Variants in F8 observed in about 807,000 individuals in gnomAD.
F8 encodes coagulation factor VIII, also known as antihemophilic factor.
A neutral mutation model predicts 140.6 loss-of-function variants in F8; 12 were observed. The observed-to-expected ratio is 0.09, with a 90% confidence interval of 0.05 to 0.14. The LOEUF (loss-of-function observed/expected upper bound fraction) is 0.14, where lower values mean the gene tolerates loss of function less well. Among genes scored for constraint, F8 ranks in the 10% least tolerant of loss-of-function variants. The pLI is 1.00. For synonymous variants in F8, 585 were observed against 614.6 expected, an observed-to-expected ratio of 0.95 and a Z score of 0.71; for missense variants, 1,354 against 1,720.7, an observed-to-expected ratio of 0.79 and a Z score of 3.77.
chrX:154,848,523 G>T (rs1557271936), intron 25 of F8, among the ~76,000 whole-genome samples: 1 of 112,532 alleles, frequency 8.9e-6, no homozygotes, highest in Non-Finnish European at 1.9e-5. Flanking sequence ...CCACCTTGCA[G>T]TTTGATCTCA....
intron 14 of F8, among the ~76,000 whole-genome samples, chrX:154,915,202 C>A (rs188624505): frequency 4.7e-4 from 52 of 111,503 alleles, no homozygotes; most frequent in African/African-American, 1.7e-3. Flanking sequence ...GGAAAACTGC[C>A]CCCATGACCC....
intron 22 of F8, among the ~76,000 whole-genome samples, chrX:154,891,648 T>C (rs2072944914): frequency 8.9e-6 from 1 of 112,809 alleles, no homozygotes; most frequent in Admixed American, 9.3e-5. Flanking sequence ...AACTTAATAC[T>C]CTTGTTCCTA....
chrX:154,899,563 G>A (rs781927625), intron 21 of F8, among the ~76,000 whole-genome samples: 15 of 112,126 alleles, frequency 1.3e-4, no homozygotes, highest in Middle Eastern at 4.6e-3. Flanking sequence ...TTAAGGACAC[G>A]TGGGCAGTTG....
In F8 at chrX:154,904,408, G is replaced by T. The variant is rs782721473; in HGVS notation, c.5703C>A (p.Ile1901=). 480 of 1,209,821 alleles carry T rather than the reference G, an allele frequency of 4.0e-4. 5 individuals carry two copies. In the South Asian group the frequency reaches 7.9e-3, roughly 20 times the overall value. ...TVQEFALFFT[I]FDETKSWYFT... is the part of the protein sequence containing the mutation. Reference sequence around the variant, plus strand: ...AGTACCAGCTTTTGGTCTCATCAAAGATGGTGAAAAACAGAGCAAATTCCT... The same window carrying T: ...AGTACCAGCTTTTGGTCTCATCAAATATGGTGAAAAACAGAGCAAATTCCT... Residue 1901 remains isoleucine (I), a synonymous_variant, in exon 17 of 26, where the codon ATC becomes ATA. Coordinates refer to ENST00000360256, the MANE Select transcript of F8 (RefSeq NM_000132.4).
intron 1 of F8, among the ~76,000 whole-genome samples, chrX:155,015,768 T>C (rs1013607626): frequency 2.7e-5 from 3 of 112,061 alleles, no homozygotes; most frequent in Non-Finnish European, 5.6e-5. Flanking sequence ...TTCAGCACCA[T>C]GCAACATACT....
At chrX:155,008,506 C>T (rs2073688690) in intron 1 of F8, among the ~76,000 whole-genome samples, 1 of 111,818 alleles carries the variant, frequency 8.9e-6, no homozygotes, top group South Asian at 3.7e-4. Flanking sequence ...AGGGCGCGGG[C>T]AGGAGCGTGC....
intron 12 of F8, among the ~76,000 whole-genome samples, chrX:154,950,194 T>C (rs1411845643): frequency 1.1e-4 from 12 of 112,056 alleles, no homozygotes; most frequent in Non-Finnish European, 2.3e-4. Context: ...ATACTAGTGT[T>C]AGGGCTTCAG....
chrX:154,890,932 G>A (rs2148581798), intron 22 of F8, among the ~76,000 whole-genome samples: 1 of 112,677 alleles, frequency 8.9e-6, no homozygotes, highest in African/African-American at 3.2e-5. Context: ...CTGGTAAGTA[G>A]AGCTACTGAA....
At chrX:154,954,638 C>T (rs782066062) in intron 11 of F8, among the ~76,000 whole-genome samples, 6 of 111,827 alleles carry the variant, frequency 5.4e-5, no homozygotes, top group East Asian at 2.8e-4. Context: ...ATGAATTAGT[C>T]GCTTGCTAAT....
chrX:154,987,349 C>T (rs1557284326), intron 4 of F8, 44 bp from the exon 5 acceptor site: 5 of 1,104,486 alleles, frequency 4.5e-6, no homozygotes, highest in Non-Finnish European at 3.7e-6. Flanking sequence ...TAAAAAATCT[C>T]ATTGTAGGAA....
chrX:154,873,891 T>C (rs2072793321), intron 22 of F8, among the ~76,000 whole-genome samples: 1 of 111,924 alleles, frequency 8.9e-6, no homozygotes, highest in Non-Finnish European at 1.9e-5. Flanking sequence ...ATAAAACTCC[T>C]AGAAGAAAAC....
At chrX:154,909,857 G>C (rs2073056255) in intron 14 of F8, among the ~76,000 whole-genome samples, 1 of 112,489 alleles carries the variant, frequency 8.9e-6, no homozygotes, top group South Asian at 3.6e-4. Context: ...TTTGTGTTGG[G>C]AACATTCCCA....
At position 154,839,609 on chromosome X, in the gene F8, G is replaced by A. The variant is rs186596470; in HGVS notation, c.6901-1857C>T. 4.0e-3 allele frequency among the ~76,000 whole-genome samples: 444 copies of A among 110,822 alleles called. 1 individual carries two copies. The highest frequency in any genetic ancestry group is 0.014 in the African/African-American group (413 of 30,517). ...GATCTCCTGACCTCGTGATCCACCCGCCTCGGCCTCCCAAAGTGCTGAGCT... is the reference window on the plus strand; with the variant it reads ...GATCTCCTGACCTCGTGATCCACCCACCTCGGCCTCCCAAAGTGCTGAGCT... On this transcript the variant is annotated intron_variant, in intron 25 of 25. Transcript: ENST00000360256.
At position 154,981,356 on chromosome X, in the gene F8, C is replaced by G. The variant is rs782452298; in HGVS notation, c.787+3331G>C. Among the ~76,000 whole-genome samples the G allele has an allele frequency of 5.5e-5, 6 of 109,265 alleles. No homozygotes were observed. In the South Asian group the frequency reaches 2.4e-3, roughly 43 times the overall value. The allele number at this position is 109,265 out of a possible 115,157, so 94.9% of individuals were successfully genotyped here. A position where few individuals can be genotyped will look rare whatever the true frequency, so the allele number is the denominator to read the frequency against. ...TGTGAGGAGATTATTGCTGAAGAGTCCTATTCCACCACTTTGCTCCACTCA... is the reference window on the plus strand; with the variant it reads ...TGTGAGGAGATTATTGCTGAAGAGTGCTATTCCACCACTTTGCTCCACTCA... On this transcript the variant is annotated intron_variant, in intron 6 of 25. Coordinates refer to ENST00000360256, the MANE Select transcript of F8 (RefSeq NM_000132.4).
intron 1 of F8, among the ~76,000 whole-genome samples, chrX:155,011,008 T>C (rs1171226434): frequency 1.8e-5 from 2 of 112,042 alleles, no homozygotes; most frequent in Non-Finnish European, 3.8e-5. Flanking sequence ...ATTTCTTAGA[T>C]ATGACAACAA....
chrX:154,901,283 A>G, intron 20 of F8, 88 bp downstream of exon 20: 1 of 647,821 alleles, frequency 1.5e-6, no homozygotes, highest in Non-Finnish European at 2.6e-6. Flanking sequence ...AAGCATGGAG[A>G]TGGATTCATT....
At chrX:154,914,121 C>T (rs1405826053) in intron 14 of F8, among the ~76,000 whole-genome samples, 2 of 113,044 alleles carry the variant, frequency 1.8e-5, no homozygotes, top group African/African-American at 6.4e-5. Context: ...AGAACAAAGG[C>T]TGGGGGCTTG....
At chrX:154,957,494 T>C (rs1456598537) in intron 10 of F8, among the ~76,000 whole-genome samples, 1 of 111,557 alleles carries the variant, frequency 9.0e-6, no homozygotes, top group African/African-American at 3.3e-5. Flanking sequence ...CTCAGGGTAA[T>C]GGGTCCTCAG....
intron 1 of F8, among the ~76,000 whole-genome samples, chrX:155,017,770 T>C (rs1008451678): frequency 1.8e-5 from 2 of 112,191 alleles, no homozygotes; most frequent in African/African-American, 3.2e-5. Flanking sequence ...GTGATTCTTA[T>C]GCACACTGAA....
Sources: gnomAD v4.1 joint callset for allele counts (sites outside exome capture counted in the v4.1 genomes callset) on GRCh38, gnomAD v4.1.1 for gene constraint, MANE v1.5 for transcripts, NCBI Gene and HGNC (gene_info 2026-07-23, HGNC 2026-07-21) for gene names.